PLA2G4A: variants seen among roughly 807,000 people sequenced by gnomAD.
PLA2G4A encodes cytosolic phospholipase A2.
In PLA2G4A, 40 loss-of-function variants were observed where a neutral mutation model predicts 81.9. The ratio of observed to expected loss-of-function variants is 0.49; its 90% CI spans 0.38 to 0.64. The LOEUF (loss-of-function observed/expected upper bound fraction) is 0.64, where lower values mean the gene tolerates loss of function less well. Ranked by LOEUF, PLA2G4A falls within the 30% of genes least tolerant of loss-of-function variation. The pLI is 0.00. For synonymous variants in PLA2G4A, 302 were observed against 296.9 expected (o/e 1.02, Z -0.18); for missense variants, 715 against 905.1 (o/e 0.79, Z 2.69).
intron 2 of PLA2G4A, 92 bp from the exon 3 acceptor site, chr1:186,870,343 T>C: frequency 2.5e-6 from 2 of 786,588 alleles, no homozygotes; most frequent in Non-Finnish European, 4.5e-6. Flanking sequence ...ATGCTACTTG[T>C]TTTTAAGTAG....
chr1:186,890,858 A>G (rs1325985716), intron 3 of PLA2G4A, among the ~76,000 whole-genome samples: 1 of 151,700 alleles, frequency 6.6e-6, no homozygotes, highest in East Asian at 1.9e-4. Flanking sequence ...TCTCAAAAAA[A>G]AAAAAAAAGG....
intron 15 of PLA2G4A, among the ~76,000 whole-genome samples, chr1:186,973,736 A>G (rs1657438256): frequency 6.6e-6 from 1 of 152,250 alleles, no homozygotes; most frequent in South Asian, 2.1e-4. Context: ...CTATTGCATT[A>G]TAAAGCTCTT....
At chr1:186,912,386 G>T (rs764129620) in intron 7 of PLA2G4A, among the ~76,000 whole-genome samples, 15 of 152,232 alleles carry the variant, frequency 9.9e-5, no homozygotes, top group Non-Finnish European at 1.8e-4. Context: ...GGACAAATGT[G>T]TAATGACATG....
At chr1:186,850,613 G>T (rs183213057) in intron 1 of PLA2G4A, among the ~76,000 whole-genome samples, 1 of 152,102 alleles carries the variant, frequency 6.6e-6, no homozygotes, top group Non-Finnish European at 1.5e-5. Context: ...CTCCTATGAA[G>T]CTACTGTTCG....
At chr1:186,911,671 A>G (rs1332144452) in intron 7 of PLA2G4A, among the ~76,000 whole-genome samples, 1 of 152,210 alleles carries the variant, frequency 6.6e-6, no homozygotes, top group Non-Finnish European at 1.5e-5. Flanking sequence ...AAAAGCACAG[A>G]GAGTTCCAAT....
chr1:186,885,799 A>G (rs891708055), intron 3 of PLA2G4A, among the ~76,000 whole-genome samples: 7 of 152,166 alleles, frequency 4.6e-5, no homozygotes, highest in African/African-American at 1.4e-4. Context: ...TAGTTTGAAA[A>G]CAGTTAAAGA....
chr1:186,892,203 T>C (rs562565713), intron 3 of PLA2G4A, among the ~76,000 whole-genome samples: 7 of 152,208 alleles, frequency 4.6e-5, no homozygotes, highest in Non-Finnish European at 1.0e-4. Context: ...TCTTGTCAGA[T>C]GGGTAGTTTG....
At chr1:186,973,394 G>A (rs566492605) in intron 15 of PLA2G4A, among the ~76,000 whole-genome samples, 2 of 152,070 alleles carry the variant, frequency 1.3e-5, no homozygotes, top group Non-Finnish European at 2.9e-5. Context: ...ATTGAATTTA[G>A]GGCCCACCTA....
intron 12 of PLA2G4A, among the ~76,000 whole-genome samples, chr1:186,947,755 C>T (rs1459927984): frequency 6.6e-6 from 1 of 152,164 alleles, no homozygotes; most frequent in African/African-American, 2.4e-5. Context: ...GCCATAACAG[C>T]AGGGACCTGG....
chr1:186,943,430 A>C (rs1049213968), intron 10 of PLA2G4A, among the ~76,000 whole-genome samples: 2 of 152,248 alleles, frequency 1.3e-5, no homozygotes, highest in Non-Finnish European at 2.9e-5. Flanking sequence ...CAGACACTTT[A>C]GAAGTACAAA....
intron 2 of PLA2G4A, among the ~76,000 whole-genome samples, chr1:186,860,046 T>A (rs925387432): frequency 1.3e-5 from 2 of 152,004 alleles, no homozygotes; most frequent in African/African-American, 4.8e-5. Context: ...TAATAATGAG[T>A]TTTTTGGCAA....
chr1:186,939,127 T>C lies in PLA2G4A; in HGVS notation c.815T>C (p.Val272Ala), dbSNP rs1214252746. The C allele has an allele frequency of 1.9e-6, 3 of 1,607,922 alleles. No individual in the cohort carries two copies. The highest frequency in any genetic ancestry group is 2.6e-6 in the Non-Finnish European group (3 of 1,174,696). Reference protein sequence around the residue: ...NPLLLLTPQKVKRYVESLWKK... With the variant: ...NPLLLLTPQKAKRYVESLWKK... ...CTTTTACTTCTCACACCACAGAAAG[T>C]TAAAAGATATGTTGAGTCTTTATGG... The change falls in exon 9 of 18, where the codon GTT becomes GCT. Residue 272 changes from valine (V) to alanine (A), a missense_variant. Transcript: ENST00000367466.
At chr1:186,982,949 T>C (rs984192552) in intron 17 of PLA2G4A, among the ~76,000 whole-genome samples, 2 of 151,830 alleles carry the variant, frequency 1.3e-5, no homozygotes, top group African/African-American at 4.8e-5. Flanking sequence ...CTGGGCGTGG[T>C]GGCAGGTGCC....
chr1:186,900,338 AT>A (rs1429102840), intron 5 of PLA2G4A, among the ~76,000 whole-genome samples: 1 of 152,240 alleles, frequency 6.6e-6, no homozygotes, highest in East Asian at 1.9e-4. Context: ...CGTAAAACAT[AT>A]TAAGATACTT....
intron 13 of PLA2G4A, among the ~76,000 whole-genome samples, chr1:186,955,560 C>T (rs1294585538): frequency 1.3e-5 from 2 of 152,004 alleles, no homozygotes; most frequent in Non-Finnish European, 2.9e-5. Flanking sequence ...GAGCATAGAT[C>T]AAGTGGCACT....
chr1:186,936,962 A>G (rs1655968862), intron 8 of PLA2G4A, among the ~76,000 whole-genome samples: 1 of 151,736 alleles, frequency 6.6e-6, no homozygotes, highest in Non-Finnish European at 1.5e-5. Flanking sequence ...ATTGGGAAAC[A>G]TTATTGGTAA....
chr1:186,880,148 G>A (rs1184236529), intron 3 of PLA2G4A, among the ~76,000 whole-genome samples: 3 of 151,938 alleles, frequency 2.0e-5, no homozygotes, highest in Non-Finnish European at 2.9e-5. Context: ...CAGTGTGTGG[G>A]GTAAGTGGGA....
intron 2 of PLA2G4A, among the ~76,000 whole-genome samples, chr1:186,867,942 A>G (rs1458922458): frequency 6.6e-6 from 1 of 151,854 alleles, no homozygotes; most frequent in Non-Finnish European, 1.5e-5. Flanking sequence ...CTTTTTATTC[A>G]TCTGTTGATA....
intron 6 of PLA2G4A, among the ~76,000 whole-genome samples, chr1:186,910,259 A>T (rs570237473): frequency 1.3e-5 from 2 of 152,306 alleles, no homozygotes; most frequent in East Asian, 3.9e-4. Flanking sequence ...AATGAGATTT[A>T]AAATTGATTT....
Sources: allele counts gnomAD v4.1 joint callset (sites outside exome capture counted in the v4.1 genomes callset), GRCh38; gene constraint gnomAD v4.1.1; transcripts MANE v1.5; gene names NCBI Gene and HGNC (gene_info 2026-07-23, HGNC 2026-07-21).